FBXL7: variants seen among roughly 807,000 people sequenced by gnomAD.
The protein encoded by FBXL7 is F-box/LRR-repeat protein 7.
A neutral mutation model predicts 38.3 loss-of-function variants in FBXL7; 12 were observed. The observed-to-expected ratio is 0.31, with a 90% CI of 0.20 to 0.51. The LOEUF is 0.51. Ranked by LOEUF, FBXL7 falls within the 20% of genes least tolerant of loss-of-function variation. The pLI is 0.98. For synonymous variants in FBXL7, 297 were observed against 300.9 expected, an observed-to-expected ratio of 0.99 and a Z score of 0.13; for missense variants, 567 against 676.4, an observed-to-expected ratio of 0.84 and a Z score of 1.79.
At chr5:15,519,169 C>T (rs992665023) in intron 1 of FBXL7, among the ~76,000 whole-genome samples, 17 of 151,992 alleles carry the variant, frequency 1.1e-4, no homozygotes, top group African/African-American at 3.9e-4. Flanking sequence ...CATGGTGAAA[C>T]CCTGTCTCTA....
chr5:15,567,787 C>T (rs533281179), intron 1 of FBXL7, among the ~76,000 whole-genome samples: 8 of 151,932 alleles, frequency 5.3e-5, no homozygotes, highest in African/African-American at 1.4e-4. Flanking sequence ...TGATGTTCCC[C>T]TTCCTGTGTC....
chr5:15,835,915 C>G (rs1738580618), intron 2 of FBXL7, among the ~76,000 whole-genome samples: 1 of 152,150 alleles, frequency 6.6e-6, no homozygotes, highest in South Asian at 2.1e-4. Flanking sequence ...TTATGATCTG[C>G]AGGAAGCTAA....
chr5:15,643,259 G>A (rs1741424037), intron 2 of FBXL7, among the ~76,000 whole-genome samples: 1 of 152,166 alleles, frequency 6.6e-6, no homozygotes, highest in African/African-American at 2.4e-5. Flanking sequence ...TCCCCTTGCT[G>A]CAGTATTTTA....
intron 2 of FBXL7, among the ~76,000 whole-genome samples, chr5:15,739,565 C>T (rs986625595): frequency 6.6e-6 from 1 of 152,176 alleles, no homozygotes; most frequent in South Asian, 2.1e-4. Flanking sequence ...ATCCCCCTAG[C>T]CTTAGGCAAC....
In FBXL7 at chr5:15,555,076, C is replaced by T. The variant is rs140141036; in HGVS notation, c.37+54363C>T. Among the ~76,000 whole-genome samples, 307 of 152,312 alleles carry T rather than the reference C, an allele frequency of 2.0e-3. 2 individuals are homozygous for T. The highest frequency in any genetic ancestry group is 7.1e-3 in the African/African-American group (295 of 41,568). ...TTCTTGCTTGTGAGGGTGTCAGACT[C>T]TGGAATATTGACAACAGAATGTTTT... On this transcript the variant is annotated intron_variant, in intron 1 of 3. Transcript: ENST00000504595.
chr5:15,928,137 C>G lies in FBXL7; in HGVS notation c.375C>G (p.Ile125Met). Residue 125 changes from isoleucine to methionine, a missense_variant, in exon 3 of 4, where the codon ATC becomes ATG. Coordinates refer to ENST00000504595, the MANE Select transcript of FBXL7 (RefSeq NM_012304.5). This position sits in a 1 kb window ranked among gnomAD's most constrained non-coding sequence, Gnocchi z 4.0. ...DRLPDHSMVQ[I>M]FSFLPTNQLC... is the part of the protein sequence containing the mutation. ...TCCCGGACCACTCCATGGTGCAGAT[C>G]TTCTCCTTCCTGCCCACCAACCAGC... The G allele has an allele frequency of 6.2e-7, 1 of 1,611,554 alleles. No homozygotes were observed. The highest frequency in any genetic ancestry group is 8.5e-7 in the Non-Finnish European group (1 of 1,179,198).
intron 2 of FBXL7, among the ~76,000 whole-genome samples, chr5:15,748,442 G>A (rs1736068847): frequency 6.6e-6 from 1 of 152,140 alleles, no homozygotes; most frequent in South Asian, 2.1e-4. Flanking sequence ...TGAATCATAG[G>A]GGTTTCCCCC....
At position 15,627,743 on chromosome 5, in the gene FBXL7, T is replaced by A. The variant is rs111274687; in HGVS notation, c.127+11671T>A. ...TATAGAGGAACTTGGGGACCAACAT[T>A]TTAGGACAAATAATCTGATATTGGA... On this transcript the variant is annotated intron_variant, in intron 2 of 3. Transcript: ENST00000504595. Among the ~76,000 whole-genome samples, 559 of 152,246 alleles carry A rather than the reference T, an allele frequency of 3.7e-3. 4 individuals are homozygous for A. The highest frequency in any genetic ancestry group is 0.013 in the African/African-American group (527 of 41,546).
At chr5:15,610,239 A>G (rs941106575) in intron 1 of FBXL7, among the ~76,000 whole-genome samples, 2 of 152,028 alleles carry the variant, frequency 1.3e-5, no homozygotes, top group African/African-American at 4.8e-5. Flanking sequence ...CTTCTCCAAC[A>G]CACCCTCTTT....
chr5:15,610,819 A>T (rs1372902838), intron 1 of FBXL7, among the ~76,000 whole-genome samples: 1 of 152,194 alleles, frequency 6.6e-6, no homozygotes. Flanking sequence ...CTCAAACTGA[A>T]TTATTTTATT....
At chr5:15,742,224 C>T (rs1374875019) in intron 2 of FBXL7, among the ~76,000 whole-genome samples, 1 of 152,124 alleles carries the variant, frequency 6.6e-6, no homozygotes, top group Non-Finnish European at 1.5e-5. Context: ...CTAAGTCCTC[C>T]CTCTGTGTGG....
rs77691995 is a variant in FBXL7, at chr5:15,713,588, G to A, written c.127+97516G>A. On this transcript the variant is annotated intron_variant, in intron 2 of 3. Coordinates refer to ENST00000504595, the MANE Select transcript of FBXL7 (RefSeq NM_012304.5). Reference sequence around the variant, plus strand: ...TGTCTTATAGGTTTATATTGGTGAAGGTCTTGTCTGCTATAAATTAGAGAG... The same window carrying A: ...TGTCTTATAGGTTTATATTGGTGAAAGTCTTGTCTGCTATAAATTAGAGAG... Among the ~76,000 whole-genome samples, 894 of 152,264 alleles carry A rather than the reference G, an allele frequency of 5.9e-3. 5 individuals are homozygous for A. Among genetic ancestry groups the A allele is most frequent in the African/African-American group, 0.02 (847 of 41,550 alleles).
chr5:15,566,507 G>C (rs1738576802), intron 1 of FBXL7, among the ~76,000 whole-genome samples: 1 of 152,126 alleles, frequency 6.6e-6, no homozygotes, highest in Non-Finnish European at 1.5e-5. Context: ...AGTGCACTGA[G>C]CTAGGCGTGA....
intron 1 of FBXL7, among the ~76,000 whole-genome samples, chr5:15,520,608 A>C (rs1221813048): frequency 1.3e-5 from 2 of 152,254 alleles, no homozygotes; most frequent in Non-Finnish European, 2.9e-5. Context: ...CAACACTTCC[A>C]AAATCGAAAA....
At chr5:15,896,590 T>A (rs1298755075) in intron 2 of FBXL7, among the ~76,000 whole-genome samples, 1 of 152,136 alleles carries the variant, frequency 6.6e-6, no homozygotes, top group Non-Finnish European at 1.5e-5. Context: ...CCTAGGAGAA[T>A]AACTCCTGCC....
At chr5:15,689,149 T>C (rs947808487) in intron 2 of FBXL7, among the ~76,000 whole-genome samples, 1 of 152,314 alleles carries the variant, frequency 6.6e-6, no homozygotes, top group Admixed American at 6.5e-5. Context: ...TATTGCTGCT[T>C]GCTGAGCTGG....
At chr5:15,783,947 G>A (rs1737068364) in intron 2 of FBXL7, among the ~76,000 whole-genome samples, 1 of 152,184 alleles carries the variant, frequency 6.6e-6, no homozygotes, top group Non-Finnish European at 1.5e-5. Context: ...ACATGGATGT[G>A]GGGCATGATG....
chr5:15,756,655 G>T (rs1736306114), intron 2 of FBXL7, among the ~76,000 whole-genome samples: 1 of 152,114 alleles, frequency 6.6e-6, no homozygotes. Flanking sequence ...TAAAGGCTTT[G>T]CAAGTCAAGT....
intron 2 of FBXL7, among the ~76,000 whole-genome samples, chr5:15,871,384 T>C (rs748109376): frequency 2.1e-4 from 32 of 152,136 alleles, no homozygotes; most frequent in Non-Finnish European, 3.8e-4. Context: ...AAAACTAGAA[T>C]GCCTCTTCTC....
Sources: gnomAD v4.1 joint callset for allele counts (sites outside exome capture counted in the v4.1 genomes callset) on GRCh38, gnomAD v4.1.1 for gene constraint, Gnocchi (gnomAD v3.1) non-coding constraint, MANE v1.5 for transcripts, NCBI Gene and HGNC (gene_info 2026-07-23, HGNC 2026-07-21) for gene names.